The following PHF10 variants were observed in gnomAD, a reference collection of about 807,000 sequenced individuals.
PHF10 encodes the protein BRG1-associated factor 45a.
A neutral mutation model predicts 68.5 loss-of-function variants in PHF10; 51 were observed. That is an observed-to-expected ratio of 0.74 (90% CI 0.59 to 0.94). PHF10 has a LOEUF of 0.94. Ranked by LOEUF, PHF10 falls within the 40% of genes least tolerant of loss-of-function variation. The pLI, the probability that PHF10 is intolerant of heterozygous loss-of-function variation, is 0.00. For synonymous variants in PHF10, 204 were observed against 203.5 expected, an observed-to-expected ratio of 1.00 and a Z score of -0.02; for missense variants, 460 against 602.6, an observed-to-expected ratio of 0.76 and a Z score of 2.48.
Position 169,714,830 on chromosome 6 carries a change from G to A in PHF10, c.706C>T (p.Pro236Ser). The A allele has an allele frequency of 6.4e-7, 1 of 1,551,804 alleles. No homozygotes were observed. The highest frequency in any genetic ancestry group is 8.9e-7 in the Non-Finnish European group (1 of 1,123,408). The change falls in exon 7 of 12, where the codon CCT becomes TCT. Residue 236 changes from proline (P) to serine (S), a missense_variant. Coordinates refer to ENST00000339209, the MANE Select transcript of PHF10 (RefSeq NM_018288.4). ...GGCAAAACTTTGTACTTCCCTTGAG[G>A]TACCTGGATAACCTACGTTAACATA... ...FDLQTHVIQV[P>S]QGKYKVLPTE...
At chr6:169,720,940 G>C in intron 2 of PHF10, 65 bp downstream of exon 2, 1 of 799,402 alleles carries the variant, frequency 1.3e-6, no homozygotes, top group Admixed American at 2.2e-5. Flanking sequence ...GGGGGAAAGG[G>C]AAGAGGATGT....
chr6:169,709,122 A>G (rs1788872035), intron 9 of PHF10: 1 of 152,296 alleles, frequency 6.6e-6, no homozygotes, highest in East Asian at 1.9e-4. Flanking sequence ...ATTTCCTAAT[A>G]AAATATGAAA....
chr6:169,723,938 G>A lies in PHF10; in HGVS notation c.-7C>T, dbSNP rs1789253750. 3 of 945,720 alleles carry A rather than the reference G, an allele frequency of 3.2e-6. No individual in the cohort carries two copies. Among genetic ancestry groups the A allele is most frequent in the South Asian group, 4.8e-5 (1 of 20,988 alleles). 58.6% of individuals were successfully genotyped at this position (945,720 alleles called of 1,614,324 possible). ...GCCCGGCCGCCGCCGCCATCAGCCC[G>A]AGCGCCCCGCGCCGCCGCCGCCGCC... is the stretch of plus-strand genomic sequence containing the variant. On this transcript the variant is annotated 5_prime_UTR_variant, in exon 1 of 12. Transcript: ENST00000339209.
intron 8 of PHF10, among the ~76,000 whole-genome samples, chr6:169,711,051 A>T (rs1788916675): frequency 6.6e-6 from 1 of 152,196 alleles, no homozygotes; most frequent in East Asian, 1.9e-4. Flanking sequence ...ATAAATTAAA[A>T]AATTAGGTTA....
chr6:169,710,131 T>G, intron 9 of PHF10, 105 bp downstream of exon 9: 11 of 777,466 alleles, frequency 1.4e-5, no homozygotes, highest in Non-Finnish European at 2.0e-5. Flanking sequence ...GAACAGCTAG[T>G]GAGGTACAGC....
chr6:169,723,208 A>C (rs1454986456), intron 1 of PHF10, among the ~76,000 whole-genome samples: 1 of 151,990 alleles, frequency 6.6e-6, no homozygotes, highest in Non-Finnish European at 1.5e-5. Context: ...CTCCCTTCCA[A>C]CTTTCTGTCA....
At chr6:169,716,732 T>C (rs1248702340) in intron 4 of PHF10, among the ~76,000 whole-genome samples, 2 of 152,190 alleles carry the variant, frequency 1.3e-5, no homozygotes, top group Non-Finnish European at 2.9e-5. Context: ...TTTAGAGATG[T>C]GGTCTCGCCA....
rs377234354 is a variant in PHF10, at chr6:169,705,733, G to A, written c.1114-9C>T. The A allele has an allele frequency of 6.2e-6, 8 of 1,292,292 alleles. No homozygotes were observed. The African/African-American group carries it at 1.0e-4, about 16-fold the overall frequency. 80.1% of individuals were successfully genotyped at this position (1,292,292 alleles called of 1,614,324 possible). A position where few individuals can be genotyped will look rare whatever the true frequency, so the allele number is the denominator to read the frequency against. On this transcript the variant is annotated splice_polypyrimidine_tract_variant and intron_variant, in intron 9 of 11. Transcript: ENST00000339209. Reference sequence around the variant, plus strand: ...TTTGGAATGACCTTTGGCTGGAAGGGTAGAAGAGGGCTATAAATTCATGCC... The same window carrying A: ...TTTGGAATGACCTTTGGCTGGAAGGATAGAAGAGGGCTATAAATTCATGCC...
chr6:169,706,279 G>A (rs751808393), intron 9 of PHF10, among the ~76,000 whole-genome samples: 2 of 151,964 alleles, frequency 1.3e-5, no homozygotes, highest in Non-Finnish European at 2.9e-5. Flanking sequence ...ATACATTGGC[G>A]TGTACATAAA....
At position 169,718,851 on chromosome 6, in the gene PHF10, A is replaced by G; in HGVS notation, c.262T>C (p.Tyr88His). 1 of 1,597,864 alleles carries G rather than the reference A, an allele frequency of 6.3e-7. No individual in the cohort carries two copies. The change falls in exon 3 of 12, where the codon TAT becomes CAT. Residue 88 changes from tyrosine to histidine, a missense_variant. Transcript: ENST00000339209. ...TCACTGACTTGTTCTTGAAGCATATAGTATTCTCCTGTTTCATCAGGTGGC... is the reference window on the plus strand; with the variant it reads ...TCACTGACTTGTTCTTGAAGCATATGGTATTCTCCTGTTTCATCAGGTGGC... ...KWPPDETGEY[Y>H]MLQEQVSEYL...
At chr6:169,706,729 C>CATACAT (rs879295802) in intron 9 of PHF10, among the ~76,000 whole-genome samples, 4 of 14,770 alleles carry the variant, frequency 2.7e-4, no homozygotes, top group Non-Finnish European at 4.3e-4. Context: ...TACATACATA[C>CATACAT]ACACACACAC....
At chr6:169,715,923 A>G in intron 5 of PHF10, 32 bp downstream of exon 5, 3 of 1,595,926 alleles carry the variant, frequency 1.9e-6, no homozygotes, top group African/African-American at 1.3e-5. Context: ...CCCCAACCCA[A>G]ATAAAAAATG....
rs540361797 is a variant in PHF10, at chr6:169,712,577, T to C, written c.804-38A>G. 16 of 1,562,728 alleles carry C rather than the reference T, an allele frequency of 1.0e-5. No homozygotes were observed. The South Asian group carries it at 1.7e-4, about 17-fold the overall frequency. On this transcript the variant is annotated intron_variant, in intron 7 of 11. Coordinates refer to ENST00000339209, the MANE Select transcript of PHF10 (RefSeq NM_018288.4). Reference sequence around the variant, plus strand: ...GAGTTTATTTTTGGTTTCCCTTTATTATTAAATATAAACAGACTCATCTTT... The same window carrying C: ...GAGTTTATTTTTGGTTTCCCTTTATCATTAAATATAAACAGACTCATCTTT...
At position 169,724,118 on chromosome 6, in the gene PHF10, C is replaced by T. The variant is rs1488806599; in HGVS notation, c.-187G>A. 6.9e-6 allele frequency: 1 copy of T among 144,800 alleles called. No homozygotes were observed. The highest frequency in any genetic ancestry group is 2.5e-5 in the African/African-American group (1 of 40,450). 9.0% of individuals were successfully genotyped at this position (144,800 alleles called of 1,614,324 possible). A position where few individuals can be genotyped will look rare whatever the true frequency, so the allele number is the denominator to read the frequency against. On this transcript the variant is annotated 5_prime_UTR_variant, in exon 1 of 12. Transcript: ENST00000339209. ...GCGCCCCGCGGCCCGCCAGCGCCGCCGCCACCGCCATGGCCGTCGCCAGCG... is the reference window on the plus strand; with the variant it reads ...GCGCCCCGCGGCCCGCCAGCGCCGCTGCCACCGCCATGGCCGTCGCCAGCG...
At chr6:169,707,825 G>C (rs747019477) in intron 9 of PHF10, 1 of 152,206 alleles carries the variant, frequency 6.6e-6, no homozygotes, top group Non-Finnish European at 1.5e-5. Flanking sequence ...TTGATGAAAA[G>C]AGGGAAACAT....
rs1789039464 is a variant in PHF10 at position 169,716,012 on chromosome 6, A to G, written c.486T>C (p.Ser162=). 6.2e-7 allele frequency: 1 copy of G among 1,609,500 alleles called. No homozygotes were observed. The highest frequency in any genetic ancestry group is 1.3e-5 in the African/African-American group (1 of 74,746). Residue 162 remains serine (S), a synonymous_variant, in exon 5 of 12, where the codon TCT becomes TCC. Coordinates refer to ENST00000339209, the MANE Select transcript of PHF10 (RefSeq NM_018288.4). ...GACGTTCTTTTTCTTGTAGAATAAC[A>G]GAATACTCAGCATGTTTGGCTGGAT... ...KEYPAKHAEY[S]VILQEKERQR...
chr6:169,715,396 T>C (rs916849582), intron 6 of PHF10, among the ~76,000 whole-genome samples: 2 of 152,024 alleles, frequency 1.3e-5, no homozygotes, highest in Non-Finnish European at 2.9e-5. Flanking sequence ...TAAAACACCA[T>C]CTCTACTAAA....
Position 169,712,553 on chromosome 6 carries a change from A to G in PHF10, c.804-14T>C. The G allele has an allele frequency of 6.3e-7, 1 of 1,595,776 alleles. No individual in the cohort carries two copies. Among genetic ancestry groups the G allele is most frequent in the Non-Finnish European group, 8.5e-7 (1 of 1,174,498 alleles). ...TCTGGTGAGTACCTGAAGTTCAGAGAGTTTATTTTTGGTTTCCCTTTATTA... is the reference window on the plus strand; with the variant it reads ...TCTGGTGAGTACCTGAAGTTCAGAGGGTTTATTTTTGGTTTCCCTTTATTA... On this transcript the variant is annotated splice_polypyrimidine_tract_variant and intron_variant, in intron 7 of 11. Transcript: ENST00000339209.
chr6:169,712,797 A>G lies in PHF10; in HGVS notation c.804-258T>C, dbSNP rs183194079. ...CCCCTCTTTGCCCTCAACCCAAAAAAAGAAAAAAGTAAATAAAATGTCAGC... is the reference window on the plus strand; with the variant it reads ...CCCCTCTTTGCCCTCAACCCAAAAAGAGAAAAAAGTAAATAAAATGTCAGC... On this transcript the variant is annotated intron_variant, in intron 7 of 11. Transcript: ENST00000339209. 5.9e-5 allele frequency among the ~76,000 whole-genome samples: 9 copies of G among 152,296 alleles called. No homozygotes were observed. The East Asian group carries it at 1.7e-3, about 29-fold the overall frequency.
Sources: allele counts gnomAD v4.1 joint callset (sites outside exome capture counted in the v4.1 genomes callset), GRCh38; gene constraint gnomAD v4.1.1; transcripts MANE v1.5; gene names NCBI Gene and HGNC (gene_info 2026-07-23, HGNC 2026-07-21).